The following NELL1 variants were observed in gnomAD, a reference collection of about 807,000 sequenced individuals.
NELL1 encodes neural EGFL like 1.
A neutral mutation model predicts 107.4 loss-of-function variants in NELL1; 76 were observed. The observed-to-expected ratio is 0.71, with a 90% CI of 0.59 to 0.86. The LOEUF (loss-of-function observed/expected upper bound fraction) is 0.86, where lower values mean the gene tolerates loss of function less well. Ranked by LOEUF, NELL1 falls within the 40% of genes least tolerant of loss-of-function variation. NELL1 has a pLI of 0.00. For synonymous variants in NELL1, 353 were observed against 341.2 expected (o/e 1.03, Z -0.38); for missense variants, 1,024 against 1,005.5 (o/e 1.02, Z -0.25).
intron 2 of NELL1, among the ~76,000 whole-genome samples, chr11:20,746,649 C>T (rs1280669397): frequency 6.6e-6 from 1 of 151,518 alleles, no homozygotes; most frequent in African/African-American, 2.4e-5. Flanking sequence ...ATTGTTTTTG[C>T]CAAGTGTGAT....
intron 3 of NELL1, among the ~76,000 whole-genome samples, chr11:20,812,134 TTTTCA>T (rs1267078083): frequency 3.2e-4 from 49 of 152,358 alleles, no homozygotes; most frequent in Admixed American, 5.9e-4. Context: ...TTGTTGAGAA[TTTTCA>T]ACATAAAGGA....
rs112525318 is a variant in NELL1, at chr11:21,222,315, GACT to G, written c.1427-7014_1427-7012del. The stretch of plus-strand genomic sequence containing the variant: ...CTGCCTCAGCCTCCCGAGTAGCTGG[GACT>G]ACAGGCACCTGCCACCACACCTGGC... On this transcript the variant is annotated intron_variant, in intron 13 of 19. Coordinates refer to ENST00000357134, the MANE Select transcript of NELL1 (RefSeq NM_006157.5). 2.4e-3 allele frequency among the ~76,000 whole-genome samples: 366 copies of G among 151,958 alleles called. 1 individual carries two copies. Among genetic ancestry groups the G allele is most frequent in the African/African-American group, 8.3e-3 (345 of 41,482 alleles).
intron 15 of NELL1, among the ~76,000 whole-genome samples, chr11:21,448,795 T>C (rs1401976173): frequency 2.0e-5 from 3 of 152,220 alleles, no homozygotes; most frequent in Non-Finnish European, 4.4e-5. Context: ...TATAGTATTA[T>C]ATAAATGGAA....
At chr11:20,718,794 A>T (rs141400105) in intron 2 of NELL1, among the ~76,000 whole-genome samples, 10 of 152,316 alleles carry the variant, frequency 6.6e-5, no homozygotes, top group Admixed American at 2.6e-4. Flanking sequence ...CCAAATGTTG[A>T]TGAGGCAGAA....
At chr11:21,278,085 A>G (rs372322926) in intron 14 of NELL1, among the ~76,000 whole-genome samples, 5 of 152,154 alleles carry the variant, frequency 3.3e-5, no homozygotes, top group African/African-American at 1.2e-4. Context: ...GACAAAATCC[A>G]ACACCTATCA....
At chr11:20,707,612 T>C (rs919334326) in intron 2 of NELL1, among the ~76,000 whole-genome samples, 1 of 152,242 alleles carries the variant, frequency 6.6e-6, no homozygotes, top group African/African-American at 2.4e-5. Context: ...GCTGCAGGTC[T>C]GTTGGAGTTT....
intron 4 of NELL1, among the ~76,000 whole-genome samples, chr11:20,851,368 C>G (rs1343669794): frequency 1.3e-5 from 2 of 152,066 alleles, no homozygotes; most frequent in African/African-American, 4.8e-5. Flanking sequence ...GTTAGAAGTT[C>G]CTGATGTGTG....
chr11:21,018,124 T>C (rs77793813), intron 12 of NELL1, among the ~76,000 whole-genome samples: 1,551 of 152,260 alleles, frequency 0.01, 23 homozygotes, highest in African/African-American at 0.036. Flanking sequence ...TCAGGCTTGA[T>C]TGACATATTC....
chr11:20,947,470 G>T, intron 11 of NELL1, 35 bp downstream of exon 11: 1 of 1,501,648 alleles, frequency 6.7e-7, no homozygotes, highest in Non-Finnish European at 9.3e-7. Context: ...TGCGTGGGGT[G>T]AGGCTGGGGC....
At chr11:21,176,533 G>A (rs1417542849) in intron 13 of NELL1, among the ~76,000 whole-genome samples, 1 of 151,800 alleles carries the variant, frequency 6.6e-6, no homozygotes, top group Non-Finnish European at 1.5e-5. Flanking sequence ...TGGCAGGCTT[G>A]AACCAATTAG....
intron 5 of NELL1, among the ~76,000 whole-genome samples, chr11:20,915,249 GCT>G (rs1850220589): frequency 1.3e-5 from 2 of 151,946 alleles, no homozygotes; most frequent in South Asian, 4.1e-4. Context: ...ATGAGTAAAT[GCT>G]CTTGCTCCAA....
At chr11:21,395,947 T>C (rs1851971818) in intron 15 of NELL1, among the ~76,000 whole-genome samples, 2 of 151,554 alleles carry the variant, frequency 1.3e-5, no homozygotes, top group African/African-American at 4.8e-5. Flanking sequence ...TGGGATGACA[T>C]GTAACCTAGA....
At chr11:21,334,953 G>T (rs924745639) in intron 14 of NELL1, among the ~76,000 whole-genome samples, 1 of 151,756 alleles carries the variant, frequency 6.6e-6, no homozygotes, top group Non-Finnish European at 1.5e-5. Flanking sequence ...ATGTTGTTTT[G>T]GTTATCCATT....
chr11:21,484,040 G>A (rs1243473059), intron 15 of NELL1, among the ~76,000 whole-genome samples: 4 of 104,230 alleles, frequency 3.8e-5, no homozygotes, highest in African/African-American at 1.5e-4. Flanking sequence ...TATGTCAAAT[G>A]TGACCTCATT....
chr11:21,253,090 T>A (rs1469925753), intron 14 of NELL1, among the ~76,000 whole-genome samples: 5 of 152,128 alleles, frequency 3.3e-5, no homozygotes, highest in Admixed American at 3.3e-4. Context: ...AAACACCTCA[T>A]TTGTAGACAA....
At chr11:20,935,761 T>TG in intron 9 of NELL1, 1 of 152,412 alleles carries the variant, frequency 6.6e-6, no homozygotes. Flanking sequence ...AGACAGTGTC[T>TG]GGGGGCAGAG....
At chr11:21,275,606 A>G (rs1213976699) in intron 14 of NELL1, among the ~76,000 whole-genome samples, 1 of 152,224 alleles carries the variant, frequency 6.6e-6, no homozygotes, top group Non-Finnish European at 1.5e-5. Flanking sequence ...AAAAAAGAGA[A>G]TTTTAGACCA....
At chr11:21,439,188 T>G (rs1853214233) in intron 15 of NELL1, among the ~76,000 whole-genome samples, 1 of 151,850 alleles carries the variant, frequency 6.6e-6, no homozygotes, top group Admixed American at 6.6e-5. Context: ...GTCAGAGAAA[T>G]ACTAGGACAC....
chr11:20,839,062 T>A (rs1327022711), intron 3 of NELL1, among the ~76,000 whole-genome samples: 5 of 151,918 alleles, frequency 3.3e-5, no homozygotes, highest in Admixed American at 3.3e-4. Flanking sequence ...TTAGCTTATT[T>A]TTTTTTTAAA....
Sources: gnomAD v4.1 joint callset for allele counts (sites outside exome capture counted in the v4.1 genomes callset) on GRCh38, gnomAD v4.1.1 for gene constraint, MANE v1.5 for transcripts, NCBI Gene and HGNC (gene_info 2026-07-23, HGNC 2026-07-21) for gene names.